Variants in SLC24A3 observed in about 807,000 individuals in gnomAD.
SLC24A3 encodes solute carrier family 24 member 3.
A neutral mutation model predicts 75.8 loss-of-function variants in SLC24A3; 28 were observed. The observed-to-expected ratio is 0.37, with a 90% confidence interval of 0.27 to 0.51. The LOEUF (loss-of-function observed/expected upper bound fraction) is 0.51, where lower values mean the gene tolerates loss of function less well. Among genes scored for constraint, SLC24A3 ranks in the 20% least tolerant of loss-of-function variants. The pLI is 0.94. For missense variants in SLC24A3, 663 were observed against 847.8 expected (o/e 0.78, Z 2.71); for synonymous variants, 372 against 334.1 (o/e 1.11, Z -1.24).
chr20:19,414,836 A>G (rs138531882), intron 2 of SLC24A3, among the ~76,000 whole-genome samples: 4 of 152,328 alleles, frequency 2.6e-5, no homozygotes, highest in Admixed American at 6.5e-5. Context: ...TGTAAATTAC[A>G]TAATGCATCA....
At chr20:19,299,874 T>C (rs754029757) in intron 2 of SLC24A3, among the ~76,000 whole-genome samples, 2 of 152,216 alleles carry the variant, frequency 1.3e-5, no homozygotes, top group Non-Finnish European at 2.9e-5. Context: ...AAATGGAATT[T>C]GTATTTCACA....
chr20:19,441,243 A>G (rs1987293593), intron 2 of SLC24A3, among the ~76,000 whole-genome samples: 1 of 152,076 alleles, frequency 6.6e-6, no homozygotes, highest in South Asian at 2.1e-4. Flanking sequence ...TGGTTACGTT[A>G]TCTCATCTTC....
chr20:19,527,333 A>G (rs143864546), intron 3 of SLC24A3, among the ~76,000 whole-genome samples: 306 of 152,290 alleles, frequency 2.0e-3, no homozygotes, highest in African/African-American at 6.8e-3. Flanking sequence ...GGCACCTTGC[A>G]TGGAAGAAGT....
intron 2 of SLC24A3, among the ~76,000 whole-genome samples, chr20:19,402,468 G>C (rs923505223): frequency 6.6e-6 from 1 of 152,198 alleles, no homozygotes; most frequent in African/African-American, 2.4e-5. Context: ...TGCAGACTCT[G>C]TGTAGTTAGG....
At position 19,716,170 on chromosome 20, in the gene SLC24A3, G is replaced by A. The variant is rs137949085; in HGVS notation, c.1720-1358G>A. ...TAACAAGTTCCCGAGAGCTGCTGCC[G>A]CTGCTGGCCCCAAAACCACCCTCTG... On this transcript the variant is annotated intron_variant, in intron 15 of 16. Coordinates refer to ENST00000328041, the MANE Select transcript of SLC24A3 (RefSeq NM_020689.4). Among the ~76,000 whole-genome samples, 1,348 of 152,174 alleles carry A rather than the reference G, an allele frequency of 8.9e-3. 27 individuals carry two copies. The highest frequency in any genetic ancestry group is 0.03 in the African/African-American group (1,261 of 41,530).
chr20:19,536,751 A>C (rs1244168047), intron 3 of SLC24A3, among the ~76,000 whole-genome samples: 1 of 152,196 alleles, frequency 6.6e-6, no homozygotes, highest in African/African-American at 2.4e-5. Flanking sequence ...TCTTTGACAA[A>C]CCTGACAAAA....
chr20:19,235,478 T>C (rs994437747), intron 1 of SLC24A3, among the ~76,000 whole-genome samples: 7 of 152,202 alleles, frequency 4.6e-5, no homozygotes, highest in African/African-American at 1.7e-4. Context: ...CACACCTAGG[T>C]TGAGTACCTG....
At chr20:19,304,242 C>A (rs932484619) in intron 2 of SLC24A3, among the ~76,000 whole-genome samples, 1 of 152,096 alleles carries the variant, frequency 6.6e-6, no homozygotes, top group African/African-American at 2.4e-5. Flanking sequence ...CAATAAAAAC[C>A]TTATTTTCCC....
At chr20:19,502,689 C>A (rs1272625414) in intron 2 of SLC24A3, among the ~76,000 whole-genome samples, 1 of 151,834 alleles carries the variant, frequency 6.6e-6, no homozygotes, top group Non-Finnish European at 1.5e-5. Flanking sequence ...ATGACAGAAT[C>A]CAGAATCTCC....
At chr20:19,405,316 C>A (rs2038911) in intron 2 of SLC24A3, among the ~76,000 whole-genome samples, 22,009 of 152,032 alleles carry the variant, frequency 0.14, 2,459 homozygotes, top group East Asian at 0.32. Context: ...TCCAGCAGCT[C>A]TTTGAGAAAA....
chr20:19,553,522 A>G (rs1217379180), intron 3 of SLC24A3, among the ~76,000 whole-genome samples: 1 of 152,170 alleles, frequency 6.6e-6, no homozygotes, highest in Admixed American at 6.5e-5. Context: ...TCAAATTGGA[A>G]TAATCCTTCC....
intron 6 of SLC24A3, among the ~76,000 whole-genome samples, chr20:19,617,608 T>C (rs1279606307): frequency 1.3e-5 from 2 of 152,186 alleles, no homozygotes; most frequent in African/African-American, 4.8e-5. Context: ...ACCTCTGCTG[T>C]TGCAAACCAA....
intron 2 of SLC24A3, among the ~76,000 whole-genome samples, chr20:19,455,873 A>G (rs1600236648): frequency 6.6e-6 from 1 of 152,252 alleles, no homozygotes; most frequent in East Asian, 1.9e-4. Context: ...GGCTAAAATT[A>G]TAAGTGTCAG....
rs142046465 is a variant in SLC24A3, at chr20:19,536,075, G to A, written c.348+20511G>A. On this transcript the variant is annotated intron_variant, in intron 3 of 16. Transcript: ENST00000328041. ...CCACATTGAGGATCAAGTTTCCAAC[G>A]CATGAACTTTGGGGGAAGCACTCAA... Among the ~76,000 whole-genome samples, 1,064 of 152,224 alleles carry A rather than the reference G, an allele frequency of 7.0e-3. 7 individuals are homozygous for A. The highest frequency in any genetic ancestry group is 0.012 in the Non-Finnish European group (816 of 68,034).
At chr20:19,373,337 A>G (rs932250518) in intron 2 of SLC24A3, among the ~76,000 whole-genome samples, 2 of 152,200 alleles carry the variant, frequency 1.3e-5, no homozygotes, top group African/African-American at 4.8e-5. Context: ...CTCCTCTGCA[A>G]AGGCAGAGCC....
chr20:19,215,243 C>T (rs1349451975), intron 1 of SLC24A3, among the ~76,000 whole-genome samples: 1 of 152,146 alleles, frequency 6.6e-6, no homozygotes, highest in African/African-American at 2.4e-5. Context: ...CCTAGTGGTC[C>T]TTTGGTACAG....
chr20:19,430,735 C>T (rs889395694), intron 2 of SLC24A3, among the ~76,000 whole-genome samples: 1 of 152,116 alleles, frequency 6.6e-6, no homozygotes, highest in African/African-American at 2.4e-5. Context: ...CAGGCCCATG[C>T]ACAAGCACAG....
intron 1 of SLC24A3, among the ~76,000 whole-genome samples, chr20:19,260,994 C>T (rs538464319): frequency 1.3e-5 from 2 of 152,306 alleles, no homozygotes; most frequent in South Asian, 4.1e-4. Flanking sequence ...GGAAGCAGGA[C>T]ATGGCAATGA....
intron 2 of SLC24A3, among the ~76,000 whole-genome samples, chr20:19,513,655 T>C (rs74173322): frequency 6.6e-6 from 1 of 151,760 alleles, no homozygotes; most frequent in Non-Finnish European, 1.5e-5. Context: ...TCTTTTCTTG[T>C]CTCCTTTTTT....
Sources: allele counts gnomAD v4.1 joint callset (sites outside exome capture counted in the v4.1 genomes callset), GRCh38; gene constraint gnomAD v4.1.1; transcripts MANE v1.5; gene names NCBI Gene and HGNC (gene_info 2026-07-23, HGNC 2026-07-21).